GALNT17: variants seen among roughly 807,000 people sequenced by gnomAD.
GALNT17 encodes UDP-GalNAc:polypeptide N-acetylgalactosaminyltransferase-like 3.
In GALNT17, 29 loss-of-function variants were observed where a neutral mutation model predicts 63.7. The ratio of observed to expected loss-of-function variants is 0.46; its 90% confidence interval spans 0.34 to 0.62. The LOEUF (loss-of-function observed/expected upper bound fraction) is 0.62. Ranked by LOEUF, GALNT17 falls within the 20% of genes least tolerant of loss-of-function variation. The probability of loss-of-function intolerance (pLI) is 0.01; values close to 1 mark genes in which losing one functional copy is unlikely to be tolerated. For missense variants in GALNT17, 603 were observed against 799.6 expected (o/e 0.75, Z 2.97); for synonymous variants, 305 against 318.3 (o/e 0.96, Z 0.45).
intron 6 of GALNT17, among the ~76,000 whole-genome samples, chr7:71,653,064 G>A (rs1182081115): frequency 6.6e-6 from 1 of 152,160 alleles, no homozygotes; most frequent in Non-Finnish European, 1.5e-5. Context: ...TTGCCAGGCT[G>A]GAGTGCAGTG....
At chr7:71,531,176 C>T (rs1253041507) in intron 5 of GALNT17, among the ~76,000 whole-genome samples, 1 of 151,986 alleles carries the variant, frequency 6.6e-6, no homozygotes, top group African/African-American at 2.4e-5. Flanking sequence ...TAAGTATATA[C>T]TCACAAAACT....
chr7:71,574,637 C>A (rs572748524), intron 6 of GALNT17, among the ~76,000 whole-genome samples: 28 of 152,268 alleles, frequency 1.8e-4, no homozygotes, highest in African/African-American at 6.7e-4. Flanking sequence ...ACACAGAATT[C>A]TCTGGTTCTC....
chr7:71,679,857 T>G (rs1791212633), intron 9 of GALNT17, among the ~76,000 whole-genome samples: 1 of 151,764 alleles, frequency 6.6e-6, no homozygotes, highest in East Asian at 1.9e-4. Flanking sequence ...AGTTTGCTTT[T>G]GTTTTCTCCT....
At chr7:71,501,553 C>T (rs1788180728) in intron 5 of GALNT17, among the ~76,000 whole-genome samples, 1 of 152,138 alleles carries the variant, frequency 6.6e-6, no homozygotes, top group Admixed American at 6.6e-5. Flanking sequence ...GAGGTGTGCA[C>T]CATCATGGCT....
chr7:71,472,640 C>T (rs867179537), intron 5 of GALNT17, among the ~76,000 whole-genome samples: 3 of 152,318 alleles, frequency 2.0e-5, no homozygotes, highest in East Asian at 1.9e-4. Context: ...GAGCCGAGAT[C>T]GTGTCACTGC....
intron 1 of GALNT17, among the ~76,000 whole-genome samples, chr7:71,313,014 C>G (rs1024253341): frequency 2.0e-5 from 3 of 152,046 alleles, no homozygotes; most frequent in African/African-American, 7.2e-5. Flanking sequence ...AAGGCTGAGG[C>G]AGGAGGATCA....
At chr7:71,590,615 T>A (rs1789783342) in intron 6 of GALNT17, among the ~76,000 whole-genome samples, 1 of 152,212 alleles carries the variant, frequency 6.6e-6, no homozygotes, top group South Asian at 2.1e-4. Flanking sequence ...TTTCTACTAT[T>A]TCCACAGAAA....
chr7:71,276,690 C>G (rs1212912330), intron 1 of GALNT17, among the ~76,000 whole-genome samples: 1 of 152,122 alleles, frequency 6.6e-6, no homozygotes, highest in Non-Finnish European at 1.5e-5. Context: ...CCCATTAGAT[C>G]TCTTTTCTTT....
At chr7:71,487,635 G>A (rs941885693) in intron 5 of GALNT17, among the ~76,000 whole-genome samples, 1 of 152,078 alleles carries the variant, frequency 6.6e-6, no homozygotes, top group African/African-American at 2.4e-5. Flanking sequence ...AAAATTAGCT[G>A]GGTGTGGTAG....
At chr7:71,347,024 G>A (rs1284389988) in intron 2 of GALNT17, among the ~76,000 whole-genome samples, 1 of 152,072 alleles carries the variant, frequency 6.6e-6, no homozygotes, top group Non-Finnish European at 1.5e-5. Context: ...ATACCGAGGA[G>A]GAACGTTATT....
chr7:71,540,092 C>CATTTTT (rs1202520298), intron 5 of GALNT17, among the ~76,000 whole-genome samples: 24 of 59,918 alleles, frequency 4.0e-4, no homozygotes, highest in Non-Finnish European at 6.7e-4. Context: ...CTGTGCCTGG[C>CATTTTT]CTTTTTTTTT....
chr7:71,673,869 TC>T (rs1331021096), intron 8 of GALNT17, among the ~76,000 whole-genome samples: 1 of 152,214 alleles, frequency 6.6e-6, no homozygotes. Context: ...TTCTCCCACT[TC>T]CGCCTCCCGA....
intron 1 of GALNT17, among the ~76,000 whole-genome samples, chr7:71,218,530 T>G (rs1283717780): frequency 6.6e-6 from 1 of 152,132 alleles, no homozygotes; most frequent in African/African-American, 2.4e-5. Flanking sequence ...TACTTGATTC[T>G]AAGTTCAAAG....
chr7:71,558,047 C>A (rs1391098886), intron 5 of GALNT17, among the ~76,000 whole-genome samples: 13 of 152,178 alleles, frequency 8.5e-5, no homozygotes, highest in Admixed American at 8.5e-4. Context: ...GCACTCCAGC[C>A]TGGGCCACAG....
chr7:71,471,040 A>G (rs1787619118), intron 5 of GALNT17, among the ~76,000 whole-genome samples: 2 of 152,074 alleles, frequency 1.3e-5, no homozygotes, highest in African/African-American at 4.8e-5. Flanking sequence ...GCATTCTTCT[A>G]AAAGTAGAGC....
chr7:71,388,707 A>G (rs1792996354), intron 3 of GALNT17, among the ~76,000 whole-genome samples: 1 of 151,728 alleles, frequency 6.6e-6, no homozygotes, highest in South Asian at 2.1e-4. Context: ...TTGTATTTTT[A>G]GTAGAGATGG....
intron 6 of GALNT17, among the ~76,000 whole-genome samples, chr7:71,664,153 C>T (rs927823258): frequency 6.6e-6 from 1 of 151,984 alleles, no homozygotes; most frequent in Non-Finnish European, 1.5e-5. Flanking sequence ...AGAAGTCCCA[C>T]ATCCTTGGGC....
At chr7:71,570,641 T>G (rs2116876018) in intron 5 of GALNT17, among the ~76,000 whole-genome samples, 1 of 152,060 alleles carries the variant, frequency 6.6e-6, no homozygotes, top group East Asian at 1.9e-4. Flanking sequence ...CCTTACCCCA[T>G]CTATGAGGGA....
chr7:71,552,627 A>G (rs755826618), intron 5 of GALNT17, among the ~76,000 whole-genome samples: 1 of 151,790 alleles, frequency 6.6e-6, no homozygotes, highest in Non-Finnish European at 1.5e-5. Context: ...TGTTTAGTAG[A>G]GACAGGGTTT....
Sources: allele counts gnomAD v4.1 joint callset (sites outside exome capture counted in the v4.1 genomes callset), GRCh38; gene constraint gnomAD v4.1.1; transcripts MANE v1.5; gene names NCBI Gene and HGNC (gene_info 2026-07-23, HGNC 2026-07-21).